The following EIF4G3 variants were observed in gnomAD, a reference collection of about 807,000 sequenced individuals.
EIF4G3 encodes eIF-4-gamma 3.
A neutral mutation model predicts 186.4 loss-of-function variants in EIF4G3; 34 were observed. The observed-to-expected ratio is 0.18, with a 90% CI of 0.14 to 0.24. The LOEUF (loss-of-function observed/expected upper bound fraction) is 0.24, where lower values mean the gene tolerates loss of function less well. Among genes scored for constraint, EIF4G3 ranks in the 10% least tolerant of loss-of-function variants. The probability of loss-of-function intolerance (pLI) is 1.00; values close to 1 mark genes in which losing one functional copy is unlikely to be tolerated. For missense variants in EIF4G3, 1,536 were observed against 1,948.5 expected (o/e 0.79, Z 3.99); for synonymous variants, 673 against 679.5 (o/e 0.99, Z 0.15).
intron 12 of EIF4G3, among the ~76,000 whole-genome samples, chr1:20,957,651 T>C (rs1046583048): frequency 2.0e-5 from 3 of 151,694 alleles, no homozygotes; most frequent in African/African-American, 7.3e-5. Context: ...AGATAGACTA[T>C]TCACTAGAAT....
intron 33 of EIF4G3, among the ~76,000 whole-genome samples, chr1:20,822,865 G>T (rs1300192242): frequency 2.0e-5 from 3 of 151,998 alleles, no homozygotes; most frequent in Non-Finnish European, 2.9e-5. Context: ...TTGACCCATG[G>T]GTATTTAGAA....
intron 4 of EIF4G3, among the ~76,000 whole-genome samples, chr1:21,024,787 A>G (rs974163967): frequency 2.3e-4 from 34 of 149,786 alleles, no homozygotes; most frequent in Admixed American, 8.7e-4. Flanking sequence ...TAGGAAAACC[A>G]GAGACCTTTG....
At chr1:21,092,631 C>T (rs1489393127) in intron 2 of EIF4G3, among the ~76,000 whole-genome samples, 1 of 152,074 alleles carries the variant, frequency 6.6e-6, no homozygotes, top group Non-Finnish European at 1.5e-5. Flanking sequence ...AAAAAGGGCC[C>T]GCACTGCCAA....
intron 2 of EIF4G3, among the ~76,000 whole-genome samples, chr1:21,115,735 A>G (rs1019526494): frequency 2.6e-5 from 4 of 152,112 alleles, no homozygotes; most frequent in Non-Finnish European, 4.4e-5. Context: ...TTGTTTTTAA[A>G]GAAACAGAGT....
intron 24 of EIF4G3, among the ~76,000 whole-genome samples, chr1:20,859,296 G>T (rs1204191591): frequency 1.3e-5 from 2 of 152,062 alleles, no homozygotes; most frequent in Non-Finnish European, 2.9e-5. Flanking sequence ...ATAAATAAAA[G>T]TTATTACCCA....
intron 3 of EIF4G3, among the ~76,000 whole-genome samples, chr1:21,075,290 C>G (rs567028963): frequency 1.3e-5 from 2 of 151,986 alleles, no homozygotes; most frequent in Non-Finnish European, 2.9e-5. Context: ...CACATAGGGC[C>G]GGGCAGGGTG....
At chr1:20,906,811 TACACACAC>T (rs35477773) in intron 14 of EIF4G3, among the ~76,000 whole-genome samples, 4 of 149,772 alleles carry the variant, frequency 2.7e-5, no homozygotes, top group African/African-American at 9.8e-5. Context: ...AAAAACTGGA[TACACACAC>T]ACACACACAC....
intron 13 of EIF4G3, among the ~76,000 whole-genome samples, chr1:20,944,098 C>A (rs77097386): frequency 7.0e-4 from 102 of 146,722 alleles, no homozygotes; most frequent in African/African-American, 2.4e-3. Flanking sequence ...ATCAAAATAT[C>A]TTTGATGAAA....
At chr1:21,009,947 C>A (rs571261417) in intron 4 of EIF4G3, among the ~76,000 whole-genome samples, 1 of 152,074 alleles carries the variant, frequency 6.6e-6, no homozygotes, top group Non-Finnish European at 1.5e-5. Flanking sequence ...GCCACCCCAC[C>A]CAGCTGAAAA....
At chr1:21,094,643 G>T in intron 2 of EIF4G3, among the ~76,000 whole-genome samples, 1 of 120,962 alleles carries the variant, frequency 8.3e-6, no homozygotes, top group African/African-American at 3.0e-5. Flanking sequence ...AGGGGGGAGG[G>T]ACAGCATTAG....
chr1:21,079,619 G>T (rs1446058563), intron 3 of EIF4G3, among the ~76,000 whole-genome samples: 2 of 151,678 alleles, frequency 1.3e-5, no homozygotes, highest in Non-Finnish European at 2.9e-5. Context: ...AAAAGGTTGA[G>T]GCTGCAGCGA....
At chr1:21,064,790 A>G (rs1209398212) in intron 3 of EIF4G3, 1 of 152,188 alleles carries the variant, frequency 6.6e-6, no homozygotes, top group Non-Finnish European at 1.5e-5. Flanking sequence ...TTACAGGCCA[A>G]TTGCTGTCCT....
chr1:21,023,094 T>C (rs979041790), intron 4 of EIF4G3, among the ~76,000 whole-genome samples: 2 of 152,170 alleles, frequency 1.3e-5, no homozygotes, highest in Admixed American at 1.3e-4. Context: ...TGTGAGTTTT[T>C]CTTTTTTGTT....
chr1:21,030,120 T>C (rs2092603236), intron 4 of EIF4G3, among the ~76,000 whole-genome samples: 1 of 152,180 alleles, frequency 6.6e-6, no homozygotes, highest in Non-Finnish European at 1.5e-5. Context: ...GTGATCATCC[T>C]GCCTCAACCT....
At chr1:21,068,391 A>AAAAAAACAAAAC (rs1553197475) in intron 3 of EIF4G3, among the ~76,000 whole-genome samples, 5 of 149,094 alleles carry the variant, frequency 3.4e-5, no homozygotes, top group Non-Finnish European at 6.0e-5. Context: ...AAAAAAAAAA[A>AAAAAAACAAAAC]AAAAAAAAAC....
In EIF4G3 at chr1:21,151,481, G is replaced by A. The variant is rs147122027; in HGVS notation, c.-272+24694C>T. Among the ~76,000 whole-genome samples, 1,049 of 151,706 alleles carry A rather than the reference G, an allele frequency of 6.9e-3. 14 individuals are homozygous for A. Among genetic ancestry groups the A allele is most frequent in the African/African-American group, 0.023 (965 of 41,408 alleles). On this transcript the variant is annotated intron_variant, in intron 2 of 36. Transcript: ENST00000602326. Reference sequence around the variant, plus strand: ...TCTTGATCTCCTGACCTCGTGATCCGCCCGCCTTGGCCTCACAAAGTGCTG... The same window carrying A: ...TCTTGATCTCCTGACCTCGTGATCCACCCGCCTTGGCCTCACAAAGTGCTG...
chr1:21,138,808 CA>C (rs1248128750), intron 2 of EIF4G3, among the ~76,000 whole-genome samples: 9 of 151,578 alleles, frequency 5.9e-5, no homozygotes, highest in Admixed American at 4.6e-4. Flanking sequence ...AAGACTGTTT[CA>C]AAAAAATAAA....
At chr1:20,980,644 G>A (rs972816883) in intron 9 of EIF4G3, among the ~76,000 whole-genome samples, 196 bp from the exon 10 acceptor site, 3 of 152,098 alleles carry the variant, frequency 2.0e-5, no homozygotes, top group Non-Finnish European at 4.4e-5. Context: ...AGAATGAAGA[G>A]AAAGGTGCAG....
intron 4 of EIF4G3, among the ~76,000 whole-genome samples, chr1:21,005,479 G>C (rs188211452): frequency 6.6e-6 from 1 of 152,202 alleles, no homozygotes; most frequent in East Asian, 1.9e-4. Context: ...ACTTCAATTA[G>C]AGGAACACTT....
Sources: gnomAD v4.1 joint callset for allele counts (sites outside exome capture counted in the v4.1 genomes callset) on GRCh38, gnomAD v4.1.1 for gene constraint, MANE v1.5 for transcripts, NCBI Gene and HGNC (gene_info 2026-07-23, HGNC 2026-07-21) for gene names.